C1RL: variants seen among roughly 807,000 people sequenced by gnomAD.
C1RL encodes complement C1r subcomponent-like protein.
In C1RL, 27 loss-of-function variants were observed where a neutral mutation model predicts 27.9. The ratio of observed to expected loss-of-function variants is 0.97; its 90% CI spans 0.71 to 1.33. C1RL has a LOEUF of 1.33. C1RL is among the 40% of genes most tolerant of loss of function. The probability of loss-of-function intolerance (pLI) is 0.00; values close to 1 mark genes in which losing one functional copy is unlikely to be tolerated. For synonymous variants in C1RL, 248 were observed against 252.1 expected (o/e 0.98, Z 0.15); for missense variants, 563 against 623.9 (o/e 0.90, Z 1.04).
intron 3 of C1RL, 144 bp from the exon 4 acceptor site, chr12:7,100,170 G>A (rs1335091811): frequency 2.6e-6 from 2 of 770,536 alleles, no homozygotes; most frequent in East Asian, 2.8e-5. Context: ...CGTTTTCACT[G>A]ATCAGATTGA....
chr12:7,107,454 G>T (rs951774769), intron 2 of C1RL, among the ~76,000 whole-genome samples: 4 of 151,962 alleles, frequency 2.6e-5, no homozygotes, highest in Non-Finnish European at 4.4e-5. Context: ...ACAGACATGA[G>T]CTACTGCGCC....
At chr12:7,101,859 C>A (rs781269197) in intron 3 of C1RL, 39 bp downstream of exon 3, 3 of 1,599,814 alleles carry the variant, frequency 1.9e-6, no homozygotes, top group East Asian at 4.5e-5. Context: ...TGGCTGGGAA[C>A]AGAGGCTCCC....
rs1938418133 is a variant in C1RL, at chr12:7,096,171, A to G, written c.*220T>C. On this transcript the variant is annotated 3_prime_UTR_variant, in exon 6 of 6. Coordinates refer to ENST00000266542, the MANE Select transcript of C1RL (RefSeq NM_016546.4). The stretch of plus-strand genomic sequence containing the variant: ...CACAGGGAGGTAGAGGGTGAGGAGG[A>G]GCGGTCTGTGGGACTCTGCTTCCTG... 1 of 1,342,900 alleles carries G rather than the reference A, an allele frequency of 7.4e-7. No homozygotes were observed. Among genetic ancestry groups the G allele is most frequent in the Non-Finnish European group, 9.5e-7 (1 of 1,049,716 alleles). The allele number at this position is 1,342,900 out of a possible 1,614,324, so 83.2% of individuals were successfully genotyped here. A position where few individuals can be genotyped will look rare whatever the true frequency, so the allele number is the denominator to read the frequency against.
At chr12:7,108,738 A>T in intron 1 of C1RL, 1 of 563,348 alleles carries the variant, frequency 1.8e-6, no homozygotes. Context: ...ACCTTTGCTC[A>T]TCTCCCAGGA....
At chr12:7,097,283 GTTT>G (rs34071292) in intron 5 of C1RL, 120 bp from the exon 6 acceptor site, 11,864 of 604,352 alleles carry the variant, frequency 0.02, no homozygotes, top group South Asian at 0.051. Context: ...GGATCAGGAC[GTTT>G]TTTTTTTTTT....
intron 2 of C1RL, 189 bp downstream of exon 2, chr12:7,108,062 C>T: frequency 4.3e-6 from 2 of 468,874 alleles, no homozygotes; most frequent in South Asian, 4.0e-5. Context: ...AGATGGCAGC[C>T]CCGGAGGCGC....
At chr12:7,100,305 A>C (rs1323035022) in intron 3 of C1RL, among the ~76,000 whole-genome samples, 1 of 152,212 alleles carries the variant, frequency 6.6e-6, no homozygotes, top group Non-Finnish European at 1.5e-5. Flanking sequence ...GCAATATCAA[A>C]ATTTAAAATG....
At chr12:7,106,544 C>G (rs976625288) in intron 2 of C1RL, among the ~76,000 whole-genome samples, 1 of 152,066 alleles carries the variant, frequency 6.6e-6, no homozygotes, top group African/African-American at 2.4e-5. Flanking sequence ...AGAACTCAGG[C>G]TGTGAAAATA....
Position 7,109,170 on chromosome 12 carries a change from G to C in C1RL, c.11C>G (p.Pro4Arg), listed in dbSNP as rs1053860984. The C allele has an allele frequency of 1.2e-6, 2 of 1,601,054 alleles. No individual in the cohort carries two copies. The highest frequency in any genetic ancestry group is 1.7e-6 in the Non-Finnish European group (2 of 1,173,322). The change falls in exon 1 of 6, where the codon CCC becomes CGC. Residue 4 changes from proline (P) to arginine (R), a missense_variant. By Grantham distance (103) the Pro-to-Arg change is moderately radical. Coordinates refer to ENST00000266542, the MANE Select transcript of C1RL (RefSeq NM_016546.4). MPG[P>R]RVWGKYLWRS... ...CCAGAGATATTTCCCCCACACTCTG[G>C]GTCCAGGCATCTGGAACTGGACATC... is the stretch of plus-strand genomic sequence containing the variant.
intron 5 of C1RL, chr12:7,099,468 C>T: frequency 1.0e-6 from 1 of 983,900 alleles, no homozygotes; most frequent in Non-Finnish European, 1.2e-6. Context: ...CATGAACGTC[C>T]TTCATGCTTT....
In C1RL at chr12:7,104,205, G is replaced by T. The variant is rs887235744; in HGVS notation, c.301-2118C>A. On this transcript the variant is annotated intron_variant, in intron 2 of 5. Coordinates refer to ENST00000266542, the MANE Select transcript of C1RL (RefSeq NM_016546.4). This position sits in a 1 kb window ranked among gnomAD's most constrained non-coding sequence, Gnocchi z 5.4. ...TTGGGGGAATCAAGATAGGGATGAG[G>T]GAAGGGCTGGCACGGGGATGGCAGA... Among the ~76,000 whole-genome samples, 10 of 152,198 alleles carry T rather than the reference G, an allele frequency of 6.6e-5. No homozygotes were observed. Among genetic ancestry groups the T allele is most frequent in the Non-Finnish European group, 8.8e-5 (6 of 68,034 alleles).
intron 3 of C1RL, among the ~76,000 whole-genome samples, chr12:7,100,494 C>T (rs1271460848): frequency 6.6e-6 from 1 of 152,158 alleles, no homozygotes. Flanking sequence ...TTTATGTGGT[C>T]ATTAAAAATA....
chr12:7,095,359 C>A lies in C1RL; in HGVS notation c.*1032G>T. ...TGGATCTCCTGACCTCGTGATCCAC[C>A]CACCTCGGACTCCTAAGGTGTTGGG... On this transcript the variant is annotated 3_prime_UTR_variant, in exon 6 of 6. Coordinates refer to ENST00000266542, the MANE Select transcript of C1RL (RefSeq NM_016546.4). 9.9e-7 allele frequency: 1 copy of A among 1,010,080 alleles called. No individual in the cohort carries two copies. Among genetic ancestry groups the A allele is most frequent in the Non-Finnish European group, 1.2e-6 (1 of 832,420 alleles). The allele number at this position is 1,010,080 out of a possible 1,614,324, so 62.6% of individuals were successfully genotyped here. A position where few individuals can be genotyped will look rare whatever the true frequency, so the allele number is the denominator to read the frequency against.
Position 7,099,694 on chromosome 12 carries a change from C to T in C1RL, c.683G>A (p.Cys228Tyr), listed in dbSNP as rs1364532391. The change falls in exon 5 of 6, where the codon TGT (cysteine) becomes TAT (tyrosine). Residue 228 changes from cysteine (C) to tyrosine (Y), a missense_variant. Physicochemically the swap from Cys to Tyr is radical, Grantham distance 194. Coordinates refer to ENST00000266542, the MANE Select transcript of C1RL (RefSeq NM_016546.4). ...AGCAGGTGGCTACTCACCAGGCATA[C>T]ACTGAAGAACCTCCTCCCCATCCTG... is the stretch of plus-strand genomic sequence containing the variant. ...DRQDGEEVLQ[C>Y]MPVCGRPVTP... 2.6e-6 allele frequency: 4 copies of T among 1,553,740 alleles called. No individual in the cohort carries two copies. The highest frequency in any genetic ancestry group is 2.6e-6 in the Non-Finnish European group (3 of 1,147,920).
intron 5 of C1RL, 191 bp downstream of exon 5, chr12:7,099,495 G>T: frequency 2.0e-6 from 2 of 979,542 alleles, no homozygotes; most frequent in Non-Finnish European, 2.4e-6. Context: ...GATATATCTT[G>T]ACCCCTGAAG....
intron 3 of C1RL, 67 bp from the exon 4 acceptor site, chr12:7,100,093 G>A: frequency 2.7e-6 from 4 of 1,492,314 alleles, no homozygotes; most frequent in Non-Finnish European, 3.6e-6. Context: ...CTGGCCCATG[G>A]CTATACTTGG....
intron 3 of C1RL, among the ~76,000 whole-genome samples, chr12:7,101,200 T>G (rs1938618185): frequency 7.3e-6 from 1 of 137,056 alleles, no homozygotes; most frequent in Non-Finnish European, 1.6e-5. Flanking sequence ...CCTTCTTTCT[T>G]TCCCTCTTTC....
chr12:7,108,508 G>GC (rs749684850), intron 1 of C1RL, 29 bp from the exon 2 acceptor site: 1 of 1,540,894 alleles, frequency 6.5e-7, no homozygotes. Flanking sequence ...GCAAGGTGGG[G>GC]CCGCGCAGCT....
chr12:7,109,164 A>G lies in C1RL; in HGVS notation c.17T>C (p.Val6Ala), dbSNP rs1181069063. The G allele has an allele frequency of 1.6e-5, 26 of 1,600,422 alleles. No homozygotes were observed. In the East Asian group the frequency reaches 5.6e-4, roughly 35 times the overall value. The stretch of plus-strand genomic sequence containing the variant: ...GCTTCTCCAGAGATATTTCCCCCAC[A>G]CTCTGGGTCCAGGCATCTGGAACTG... MPGPR[V>A]WGKYLWRSPH... The change falls in exon 1 of 6, where the codon GTG (valine) becomes GCG (alanine). Residue 6 changes from valine (V) to alanine (A), a missense_variant. Coordinates refer to ENST00000266542, the MANE Select transcript of C1RL (RefSeq NM_016546.4).
Sources: gnomAD v4.1 joint callset for allele counts (sites outside exome capture counted in the v4.1 genomes callset) on GRCh38, gnomAD v4.1.1 for gene constraint, Gnocchi (gnomAD v3.1) non-coding constraint, MANE v1.5 for transcripts, NCBI Gene and HGNC (gene_info 2026-07-23, HGNC 2026-07-21) for gene names.